The following EXOC6 variants were observed in gnomAD, a reference collection of about 807,000 sequenced individuals.
EXOC6 encodes SEC15-like 1.
Under a neutral mutation model 112.5 loss-of-function variants are expected in EXOC6, and 60 were observed. The observed-to-expected ratio is 0.53, with a 90% confidence interval of 0.43 to 0.66. The LOEUF is 0.66. Among genes scored for constraint, EXOC6 ranks in the 30% least tolerant of loss-of-function variants. EXOC6 has a pLI of 0.00. For missense variants in EXOC6, 855 were observed against 957.1 expected (o/e 0.89, Z 1.41); for synonymous variants, 295 against 308.0 (o/e 0.96, Z 0.44).
intron 6 of EXOC6, among the ~76,000 whole-genome samples, chr10:92,911,335 T>TA (rs1037615644): frequency 1.3e-5 from 2 of 152,206 alleles, no homozygotes; most frequent in African/African-American, 4.8e-5. Flanking sequence ...TTCCCTTCAA[T>TA]ATTACAGTGT....
At chr10:93,025,184 C>A (rs926941509) in intron 20 of EXOC6, among the ~76,000 whole-genome samples, 15 of 152,084 alleles carry the variant, frequency 9.9e-5, no homozygotes, top group Non-Finnish European at 1.9e-4. Flanking sequence ...ATCTGACTTA[C>A]AATGCGAAAA....
chr10:93,050,938 A>G (rs1461286326), intron 20 of EXOC6, among the ~76,000 whole-genome samples: 1 of 152,080 alleles, frequency 6.6e-6, no homozygotes, highest in Non-Finnish European at 1.5e-5. Context: ...ACTTCTGAGT[A>G]CGGCAGTGAA....
chr10:92,869,291 C>G (rs1388204974), intron 1 of EXOC6, among the ~76,000 whole-genome samples: 2 of 150,608 alleles, frequency 1.3e-5, no homozygotes, highest in African/African-American at 4.9e-5. Flanking sequence ...CATGAGCCAC[C>G]ATGGCAGGCC....
At chr10:92,870,455 C>T (rs1179651535) in intron 1 of EXOC6, among the ~76,000 whole-genome samples, 1 of 152,138 alleles carries the variant, frequency 6.6e-6, no homozygotes, top group African/African-American at 2.4e-5. Flanking sequence ...TTGAAATAGT[C>T]CTGCTTCTTA....
chr10:92,983,164 A>G (rs1246632058), intron 18 of EXOC6, among the ~76,000 whole-genome samples: 3 of 152,188 alleles, frequency 2.0e-5, no homozygotes, highest in Admixed American at 1.3e-4. Context: ...TTAATTTGCT[A>G]ATGTCTATTT....
At chr10:92,835,571 T>C (rs1846634708) in intron 1 of EXOC6, among the ~76,000 whole-genome samples, 1 of 149,998 alleles carries the variant, frequency 6.7e-6, no homozygotes, top group African/African-American at 2.4e-5. Flanking sequence ...GTAGATTAAG[T>C]GGAAGGATAT....
chr10:92,882,674 A>AAAT (rs1305158752), intron 1 of EXOC6, among the ~76,000 whole-genome samples: 2 of 152,174 alleles, frequency 1.3e-5, no homozygotes, highest in African/African-American at 4.8e-5. Context: ...TACTATCTTT[A>AAAT]AATAATATTT....
intron 1 of EXOC6, among the ~76,000 whole-genome samples, chr10:92,837,097 AACACAC>A (rs58871930): frequency 1.6e-4 from 22 of 139,850 alleles, no homozygotes; most frequent in South Asian, 4.7e-4. Context: ...GTTATAACAT[AACACAC>A]ACACACACAC....
intron 18 of EXOC6, among the ~76,000 whole-genome samples, chr10:92,981,574 G>C (rs1239130767): frequency 6.6e-6 from 1 of 152,116 alleles, no homozygotes; most frequent in African/African-American, 2.4e-5. Context: ...GATATGGAAT[G>C]ATCAATTTGT....
At chr10:92,833,559 G>A (rs1177080271), upstream of EXOC6, among the ~76,000 whole-genome samples, 1 of 152,190 alleles carries the variant, frequency 6.6e-6, no homozygotes, top group Non-Finnish European at 1.5e-5. Context: ...TGTGGATGCA[G>A]GCAGGGGTGA....
chr10:93,038,656 A>G (rs1344190427), intron 20 of EXOC6, among the ~76,000 whole-genome samples: 1 of 152,216 alleles, frequency 6.6e-6, no homozygotes, highest in South Asian at 2.1e-4. Context: ...AAGCTTTTTC[A>G]TGTATAATCT....
chr10:92,928,468 C>A, intron 9 of EXOC6, 46 bp downstream of exon 9: 1 of 1,146,814 alleles, frequency 8.7e-7, no homozygotes, highest in East Asian at 2.4e-5. Context: ...ACTTTTTATC[C>A]CCTTACCCTG....
chr10:92,889,715 G>A (rs535039534), intron 1 of EXOC6, among the ~76,000 whole-genome samples: 2 of 151,654 alleles, frequency 1.3e-5, no homozygotes, highest in African/African-American at 2.4e-5. Context: ...ATCTTGGGTC[G>A]TGTTGTCAGT....
At chr10:92,846,132 C>G (rs776256777), upstream of EXOC6, among the ~76,000 whole-genome samples, 1 of 152,184 alleles carries the variant, frequency 6.6e-6, no homozygotes, top group Non-Finnish European at 1.5e-5. Flanking sequence ...GGGGAAGATA[C>G]TGCTGCTTAT....
At position 92,944,177 on chromosome 10, in the gene EXOC6, A is replaced by C. The variant is rs149423627; in HGVS notation, c.1310+3353A>C. On this transcript the variant is annotated intron_variant, in intron 13 of 21. Transcript: ENST00000260762. ...TTCCGTATTTTGGCTATTGTGAATA[A>C]TTCTGCAGTGAACATGGGAATGCAG... 3.5e-4 allele frequency among the ~76,000 whole-genome samples: 54 copies of C among 152,246 alleles called. 1 individual carries two copies. In the East Asian group the frequency reaches 7.3e-3, roughly 21 times the overall value.
intron 16 of EXOC6, among the ~76,000 whole-genome samples, chr10:92,955,108 A>T (rs1853619748): frequency 6.6e-6 from 1 of 152,096 alleles, no homozygotes; most frequent in Non-Finnish European, 1.5e-5. Context: ...CAGGAGGTTG[A>T]GGCTGCAGTG....
At chr10:93,049,872 G>T (rs938688591) in intron 20 of EXOC6, among the ~76,000 whole-genome samples, 8 of 152,282 alleles carry the variant, frequency 5.3e-5, no homozygotes, top group African/African-American at 1.4e-4. Context: ...TAGGCCAGAA[G>T]ACCACATGTT....
At chr10:92,874,170 A>G (rs1162388942) in intron 1 of EXOC6, among the ~76,000 whole-genome samples, 2 of 152,100 alleles carry the variant, frequency 1.3e-5, no homozygotes, top group Non-Finnish European at 2.9e-5. Context: ...AGGCTATAGC[A>G]TTGGTTTGAA....
chr10:93,047,775 C>G (rs1278355239), intron 20 of EXOC6, among the ~76,000 whole-genome samples: 2 of 151,824 alleles, frequency 1.3e-5, no homozygotes, highest in African/African-American at 4.8e-5. Flanking sequence ...GTGAAACCCC[C>G]GTCTCTACTA....
Sources: allele counts gnomAD v4.1 joint callset (sites outside exome capture counted in the v4.1 genomes callset), GRCh38; gene constraint gnomAD v4.1.1; transcripts MANE v1.5; gene names NCBI Gene and HGNC (gene_info 2026-07-23, HGNC 2026-07-21).